YPEL1: variants seen among roughly 807,000 people sequenced by gnomAD.
YPEL1 encodes yippee like 1.
YPEL1 carries 7 observed loss-of-function variants against 17.3 expected under a neutral mutation model. The observed-to-expected ratio is 0.40, with a 90% CI of 0.23 to 0.76. The LOEUF is 0.76. Among genes scored for constraint, YPEL1 ranks in the 30% least tolerant of loss-of-function variants. The probability of loss-of-function intolerance (pLI) is 0.35; values close to 1 mark genes in which losing one functional copy is unlikely to be tolerated. For synonymous variants in YPEL1, 59 were observed against 59.6 expected, an observed-to-expected ratio of 0.99 and a Z score of 0.05; for missense variants, 91 against 155.5, an observed-to-expected ratio of 0.59 and a Z score of 2.21.
rs1228287333 is a variant in YPEL1, at chr22:21,710,890, G to T, written c.-146C>A. On this transcript the variant is annotated 5_prime_UTR_variant, in exon 2 of 5. Coordinates refer to ENST00000339468, the MANE Select transcript of YPEL1 (RefSeq NM_013313.5). ...CGTGTGGCACTGTCCACACAGCTGG[G>T]ACGAGAGAAAAACGTAACCTGCCAA... The T allele has an allele frequency of 1.4e-6, 1 of 730,768 alleles. No individual in the cohort carries two copies. The highest frequency in any genetic ancestry group is 2.4e-6 in the Non-Finnish European group (1 of 411,800). The allele number at this position is 730,768 out of a possible 1,614,324, so 45.3% of individuals were successfully genotyped here.
intron 1 of YPEL1, among the ~76,000 whole-genome samples, chr22:21,726,859 A>C (rs2068340826): frequency 6.6e-6 from 1 of 152,130 alleles, no homozygotes; most frequent in Non-Finnish European, 1.5e-5. Context: ...GGTTTCTCTG[A>C]GTGTCACACA....
chr22:21,731,918 A>C (rs1432596048), intron 1 of YPEL1, among the ~76,000 whole-genome samples: 1 of 152,214 alleles, frequency 6.6e-6, no homozygotes, highest in Non-Finnish European at 1.5e-5. Context: ...GCCTTACGGC[A>C]GGAGCATGTG....
In YPEL1 at chr22:21,703,123, A is replaced by AAC. The variant is rs1249926168; in HGVS notation, c.270+245_270+246dup. Reference sequence around the variant, plus strand: ...GTGCAGAGAGCCTGGCTTAGGAAGAAACAGGGCTTGAAAACATGGTGTTTT... The same window carrying AAC: ...GTGCAGAGAGCCTGGCTTAGGAAGAAACACAGGGCTTGAAAACATGGTGTTTT... On this transcript the variant is annotated intron_variant, in intron 4 of 4. Transcript: ENST00000339468. The surrounding 1 kb of genome is among the most constrained non-coding windows in gnomAD (Gnocchi z 6.1). Among the ~76,000 whole-genome samples the AAC allele has an allele frequency of 6.6e-6, 1 of 152,134 alleles. No homozygotes were observed.
intron 1 of YPEL1, among the ~76,000 whole-genome samples, chr22:21,714,416 C>T (rs985453124): frequency 6.6e-6 from 1 of 152,146 alleles, no homozygotes; most frequent in East Asian, 1.9e-4. Context: ...CTGCGTGTTC[C>T]GTGTTTTGAA....
chr22:21,722,178 G>A (rs1242856290), intron 1 of YPEL1, among the ~76,000 whole-genome samples: 2 of 152,092 alleles, frequency 1.3e-5, no homozygotes, highest in African/African-American at 2.4e-5. Context: ...CAGCACTTTC[G>A]GAGGCCAAGG....
chr22:21,711,661 G>C (rs1286859675), intron 1 of YPEL1, among the ~76,000 whole-genome samples: 2 of 152,050 alleles, frequency 1.3e-5, no homozygotes, highest in South Asian at 2.1e-4. Flanking sequence ...ACAACAACTG[G>C]ATATCCACCT....
In YPEL1 at chr22:21,703,710, G is replaced by GT. The variant is rs555944553; in HGVS notation, c.161+128_161+129insA. On this transcript the variant is annotated intron_variant, in intron 3 of 4. Coordinates refer to ENST00000339468, the MANE Select transcript of YPEL1 (RefSeq NM_013313.5). The surrounding 1 kb of genome is among the most constrained non-coding windows in gnomAD (Gnocchi z 6.1). ...CCTTAGCGCGTTTCAGAAACTCCCG[G>GT]CGGGGGGATGGTGGGTTCTTTCAGG... The GT allele has an allele frequency of 1.9e-4, 199 of 1,057,124 alleles. 2 individuals carry two copies. Among genetic ancestry groups the GT allele is most frequent in the Non-Finnish European group, 2.6e-4 (190 of 730,102 alleles). The allele number at this position is 1,057,124 out of a possible 1,614,324, so 65.5% of individuals were successfully genotyped here. A position where few individuals can be genotyped will look rare whatever the true frequency, so the allele number is the denominator to read the frequency against.
chr22:21,702,484 C>A (rs2068075283), intron 4 of YPEL1, among the ~76,000 whole-genome samples: 1 of 152,122 alleles, frequency 6.6e-6, no homozygotes, highest in East Asian at 1.9e-4. Flanking sequence ...AACACCAGAG[C>A]CAGAATGGGA....
chr22:21,710,971 A>T, intron 1 of YPEL1, 63 bp from the exon 2 acceptor site: 5 of 515,082 alleles, frequency 9.7e-6, no homozygotes, highest in Non-Finnish European at 1.4e-5. Flanking sequence ...GCAGGTACAT[A>T]TGGGATTCAT....
chr22:21,721,121 G>T lies in YPEL1; in HGVS notation c.-164-10213C>A, dbSNP rs548699783. Among the ~76,000 whole-genome samples, 9 of 148,094 alleles carry T rather than the reference G, an allele frequency of 6.1e-5. No individual in the cohort carries two copies. In the South Asian group the frequency reaches 1.7e-3, roughly 28 times the overall value. Reference sequence around the variant, plus strand: ...CCACTGTACCTGGCCAACATTTTGGGTTTTTTGGGGGGGGGAGGGGAGGAC... The same window carrying T: ...CCACTGTACCTGGCCAACATTTTGGTTTTTTTGGGGGGGGGAGGGGAGGAC... On this transcript the variant is annotated intron_variant, in intron 1 of 4. Coordinates refer to ENST00000339468, the MANE Select transcript of YPEL1 (RefSeq NM_013313.5).
At chr22:21,720,818 T>TTG (rs2068274467) in intron 1 of YPEL1, among the ~76,000 whole-genome samples, 1 of 149,856 alleles carries the variant, frequency 6.7e-6, no homozygotes, top group African/African-American at 2.5e-5. Context: ...ATTTTGTTTT[T>TTG]TTTTTTTTTT....
At chr22:21,710,579 A>T in intron 2 of YPEL1, 49 bp downstream of exon 2, 1 of 1,452,334 alleles carries the variant, frequency 6.9e-7, no homozygotes, top group Non-Finnish European at 9.7e-7. Context: ...TAGGTACCAC[A>T]ATGACAGATA....
In YPEL1 at chr22:21,715,728, C is replaced by T. The variant is rs1387807861; in HGVS notation, c.-164-4820G>A. Reference sequence around the variant, plus strand: ...TCCTGAGTAGCTGGGACTACTGGCACGTGCCACCACACCTAATTTTTCTTT... The same window carrying T: ...TCCTGAGTAGCTGGGACTACTGGCATGTGCCACCACACCTAATTTTTCTTT... On this transcript the variant is annotated intron_variant, in intron 1 of 4. Coordinates refer to ENST00000339468, the MANE Select transcript of YPEL1 (RefSeq NM_013313.5). 6.4e-4 allele frequency among the ~76,000 whole-genome samples: 71 copies of T among 111,186 alleles called. 1 individual carries two copies. The highest frequency in any genetic ancestry group is 5.5e-3 in the East Asian group (26 of 4,706). 72.9% of individuals were successfully genotyped at this position (111,186 alleles called of 152,430 possible).
intron 1 of YPEL1, among the ~76,000 whole-genome samples, chr22:21,717,402 A>C (rs992819994): frequency 1.3e-5 from 2 of 151,630 alleles, no homozygotes; most frequent in Admixed American, 1.3e-4. Flanking sequence ...ACAAAAAAAC[A>C]GTGAGGAAGG....
intron 1 of YPEL1, among the ~76,000 whole-genome samples, chr22:21,718,535 T>G (rs1477003734): frequency 6.6e-6 from 1 of 151,058 alleles, no homozygotes; most frequent in African/African-American, 2.4e-5. Context: ...CAGGTCAATG[T>G]GACATGAAAG....
Position 21,710,536 on chromosome 22 carries a change from A to C in YPEL1, c.117+92T>G, listed in dbSNP as rs975639108. 5 of 1,098,592 alleles carry C rather than the reference A, an allele frequency of 4.6e-6. No homozygotes were observed. The African/African-American group carries it at 7.7e-5, about 17-fold the overall frequency. The allele number at this position is 1,098,592 out of a possible 1,614,324, so 68.1% of individuals were successfully genotyped here. A position where few individuals can be genotyped will look rare whatever the true frequency, so the allele number is the denominator to read the frequency against. ...CGTTCAGGACACAGCAGACTCAGGA[A>C]GTCATGTGATGCTTAAATATTCTTC... On this transcript the variant is annotated intron_variant, in intron 2 of 4. Coordinates refer to ENST00000339468, the MANE Select transcript of YPEL1 (RefSeq NM_013313.5).
At chr22:21,718,008 G>C (rs574607647) in intron 1 of YPEL1, among the ~76,000 whole-genome samples, 3 of 152,098 alleles carry the variant, frequency 2.0e-5, no homozygotes, top group African/African-American at 7.2e-5. Context: ...TCACGTGTCT[G>C]TGGTCCCAGC....
rs971397505 is a variant in YPEL1, at chr22:21,698,349, G to C, written c.*2780C>G. ...CACAAAAGACAGTACAAAAACCAAA[G>C]TGCCCAAATAGAAGGAGCAGCGAAC... On this transcript the variant is annotated 3_prime_UTR_variant, in exon 5 of 5. Transcript: ENST00000339468. The C allele has an allele frequency of 1.3e-5, 2 of 150,390 alleles. No individual in the cohort carries two copies. The highest frequency in any genetic ancestry group is 4.9e-5 in the African/African-American group (2 of 40,962). 9.3% of individuals were successfully genotyped at this position (150,390 alleles called of 1,614,324 possible).
chr22:21,730,501 G>A (rs1464333281), intron 1 of YPEL1, among the ~76,000 whole-genome samples: 1 of 152,196 alleles, frequency 6.6e-6, no homozygotes, highest in Non-Finnish European at 1.5e-5. Flanking sequence ...GGGATTACAG[G>A]CGTGAGCTAC....
Sources: allele counts gnomAD v4.1 joint callset (sites outside exome capture counted in the v4.1 genomes callset), GRCh38; gene constraint gnomAD v4.1.1; non-coding constraint Gnocchi (gnomAD v3.1); transcripts MANE v1.5; gene names NCBI Gene and HGNC (gene_info 2026-07-23, HGNC 2026-07-21).